The following CAMK2G variants were observed in gnomAD, a reference collection of about 807,000 sequenced individuals.
CAMK2G encodes the protein calcium/calmodulin-dependent protein kinase type II subunit gamma.
In CAMK2G, 23 loss-of-function variants were observed where a neutral mutation model predicts 88.7. The observed-to-expected ratio is 0.26, with a 90% CI of 0.19 to 0.37. The LOEUF is 0.37. Ranked by LOEUF, CAMK2G falls within the 10% of genes least tolerant of loss-of-function variation. CAMK2G has a pLI of 1.00. For missense variants in CAMK2G, 476 were observed against 780.8 expected (o/e 0.61, Z 4.65); for synonymous variants, 263 against 294.8 (o/e 0.89, Z 1.11).
intron 16 of CAMK2G, among the ~76,000 whole-genome samples, chr10:73,824,786 G>A (rs1393664067): frequency 6.6e-6 from 1 of 152,220 alleles, no homozygotes; most frequent in Admixed American, 6.5e-5. Context: ...TAGCCAGCAT[G>A]AGGCACTCCA....
At chr10:73,840,772 C>A (rs1271734541) in intron 12 of CAMK2G, among the ~76,000 whole-genome samples, 3 of 152,224 alleles carry the variant, frequency 2.0e-5, no homozygotes, top group Non-Finnish European at 4.4e-5. Context: ...TTCTTCAACT[C>A]AGAGGGGAGA....
At chr10:73,844,678 G>C (rs2094096776) in intron 10 of CAMK2G, among the ~76,000 whole-genome samples, 1 of 152,136 alleles carries the variant, frequency 6.6e-6, no homozygotes, top group Non-Finnish European at 1.5e-5. Context: ...AAAGTGCTGG[G>C]ATTACAGGTG....
At position 73,850,226 on chromosome 10, in the gene CAMK2G, A is replaced by G. The variant is rs181831320; in HGVS notation, c.342-893T>C. On this transcript the variant is annotated intron_variant, in intron 5 of 22. Transcript: ENST00000423381. ...TGCCCAGGCTGGTCTTGAACTCCTG[A>G]GCTCAAGTGATCCACCCACCTTGGC... Among the ~76,000 whole-genome samples, 139 of 152,148 alleles carry G rather than the reference A, an allele frequency of 9.1e-4. 1 individual carries two copies. The highest frequency in any genetic ancestry group is 3.4e-3 in the Middle Eastern group (1 of 294).
At chr10:73,874,039 G>A (rs1343075086) in intron 1 of CAMK2G, among the ~76,000 whole-genome samples, 2 of 150,362 alleles carry the variant, frequency 1.3e-5, no homozygotes, top group Non-Finnish European at 3.0e-5. Flanking sequence ...CGAGGCGCGT[G>A]GGACCTGGGT....
chr10:73,870,225 T>C (rs752210383), intron 2 of CAMK2G, among the ~76,000 whole-genome samples: 20 of 152,242 alleles, frequency 1.3e-4, no homozygotes, highest in Non-Finnish European at 2.6e-4. Context: ...CTATTTTAAA[T>C]GCCTCCTTCG....
chr10:73,841,814 C>A, intron 12 of CAMK2G: 1 of 223,684 alleles, frequency 4.5e-6, no homozygotes, highest in South Asian at 8.3e-5. Context: ...TGTACCTCAT[C>A]TCTCTTTTCT....
chr10:73,855,468 T>A (rs752175366), intron 3 of CAMK2G, among the ~76,000 whole-genome samples: 37 of 152,236 alleles, frequency 2.4e-4, no homozygotes, highest in Non-Finnish European at 4.6e-4. Flanking sequence ...GTGGAGCCAC[T>A]CAGCTCTGCC....
chr10:73,830,317 G>A (rs776188065), intron 14 of CAMK2G, among the ~76,000 whole-genome samples: 34 of 151,934 alleles, frequency 2.2e-4, no homozygotes, highest in Non-Finnish European at 4.7e-4. Flanking sequence ...TCTATTGCCC[G>A]GGCTGAAGTA....
At chr10:73,821,138 T>A (rs544935866) in intron 18 of CAMK2G, among the ~76,000 whole-genome samples, 26 of 152,082 alleles carry the variant, frequency 1.7e-4, no homozygotes, top group Admixed American at 6.5e-4. Flanking sequence ...TTTTTTTTTT[T>A]AATAGAGACA....
chr10:73,863,271 C>A lies in CAMK2G; in HGVS notation c.161-2382G>T, dbSNP rs145348255. On this transcript the variant is annotated intron_variant, in intron 2 of 22. Transcript: ENST00000423381. ...AGCATGACCACCGACCAGGATGCAG[C>A]CAGGAGAACCCCAAGTAACTCCCAA... is the stretch of plus-strand genomic sequence containing the variant. Among the ~76,000 whole-genome samples, 729 of 152,284 alleles carry A rather than the reference C, an allele frequency of 4.8e-3. 1 individual carries two copies. The highest frequency in any genetic ancestry group is 8.6e-3 in the Non-Finnish European group (588 of 68,018).
At chr10:73,857,874 T>C (rs941602203) in intron 3 of CAMK2G, among the ~76,000 whole-genome samples, 2 of 152,248 alleles carry the variant, frequency 1.3e-5, no homozygotes, top group African/African-American at 2.4e-5. Context: ...TGTTTGTTTT[T>C]AATTAATAAA....
chr10:73,837,263 C>T (rs2093339901), intron 14 of CAMK2G: 1 of 639,048 alleles, frequency 1.6e-6, no homozygotes, highest in African/African-American at 1.8e-5. Context: ...GAGTCATTCC[C>T]ATCCAGCTAG....
chr10:73,870,820 G>A (rs1482276145), intron 2 of CAMK2G, among the ~76,000 whole-genome samples: 1 of 152,098 alleles, frequency 6.6e-6, no homozygotes, highest in African/African-American at 2.4e-5. Context: ...GGAAGCCATG[G>A]CCCTCACTCC....
chr10:73,874,159 T>A, intron 1 of CAMK2G, among the ~76,000 whole-genome samples: 1 of 139,240 alleles, frequency 7.2e-6, no homozygotes, highest in East Asian at 2.2e-4. Context: ...GTCCGGGGTC[T>A]GCGGTGTCCG....
rs1191052011 is a variant in CAMK2G at position 73,814,076 on chromosome 10, C to T, written c.*442G>A. On this transcript the variant is annotated 3_prime_UTR_variant, in exon 23 of 23. Coordinates refer to ENST00000423381, the MANE Select transcript of CAMK2G (RefSeq NM_001367534.1). ...AGGAGCTGCAATCACATCACGGCCC[C>T]CAAAGCTCTGTCAGAGTTCTTGCCT... 6.6e-6 allele frequency: 1 copy of T among 152,216 alleles called. No individual in the cohort carries two copies. Among genetic ancestry groups the T allele is most frequent in the Admixed American group, 6.5e-5 (1 of 15,278 alleles). The allele number at this position is 152,216 out of a possible 1,614,324, so 9.4% of individuals were successfully genotyped here.
chr10:73,833,688 C>T (rs527796940), intron 14 of CAMK2G, among the ~76,000 whole-genome samples: 3 of 151,562 alleles, frequency 2.0e-5, no homozygotes, highest in Non-Finnish European at 2.9e-5. Context: ...CTCTGCCCCC[C>T]GCAAGGTTCA....
chr10:73,829,069 T>C (rs929634918), intron 14 of CAMK2G, among the ~76,000 whole-genome samples: 4 of 152,342 alleles, frequency 2.6e-5, no homozygotes, highest in Admixed American at 1.3e-4. Context: ...CAGCAAACAC[T>C]GAGGGCTGTT....
At chr10:73,865,676 C>T (rs2095559013) in intron 2 of CAMK2G, among the ~76,000 whole-genome samples, 1 of 152,198 alleles carries the variant, frequency 6.6e-6, no homozygotes, top group Admixed American at 6.5e-5. Flanking sequence ...GCATCTCCAA[C>T]CCCAAAAAGG....
chr10:73,836,326 C>A (rs1236531978), intron 14 of CAMK2G, among the ~76,000 whole-genome samples: 3 of 152,172 alleles, frequency 2.0e-5, no homozygotes, highest in African/African-American at 7.2e-5. Context: ...GAAAGCCACA[C>A]CCCCTCTTAC....
Sources: gnomAD v4.1 joint callset for allele counts (sites outside exome capture counted in the v4.1 genomes callset) on GRCh38, gnomAD v4.1.1 for gene constraint, MANE v1.5 for transcripts, NCBI Gene and HGNC (gene_info 2026-07-23, HGNC 2026-07-21) for gene names.